BOK: variants seen among roughly 807,000 people sequenced by gnomAD.
BOK encodes BCL2 family apoptosis regulator BOK.
Under a neutral mutation model 18.3 loss-of-function variants are expected in BOK, and 20 were observed. That is an observed-to-expected ratio of 1.09 (90% CI 0.77 to 1.59). BOK has a LOEUF of 1.59. Among genes scored for constraint, BOK ranks in the 40% most tolerant of loss-of-function variants. BOK has a pLI of 0.00. For missense variants in BOK, 348 were observed against 307.9 expected, an observed-to-expected ratio of 1.13 and a Z score of -0.97; for synonymous variants, 173 against 142.4, an observed-to-expected ratio of 1.21 and a Z score of -1.53.
In BOK at chr2:241,564,820, A is replaced by G. The variant is rs1031381843; in HGVS notation, c.349+2344A>G. ...TGTCTGTCTCGGGGCCGCTGGGTTT[A>G]CGAGCTGCAGGCTGGCTTTAAAAGG... On this transcript the variant is annotated intron_variant, in intron 3 of 4. Transcript: ENST00000318407. Among the ~76,000 whole-genome samples, 7 of 152,322 alleles carry G rather than the reference A, an allele frequency of 4.6e-5. No homozygotes were observed. The East Asian group carries it at 1.2e-3, about 25-fold the overall frequency.
At position 241,559,566 on chromosome 2, in the gene BOK, T is replaced by C. The variant is rs2066493619; in HGVS notation, c.83T>C (p.Val28Ala). 2 of 1,528,150 alleles carry C rather than the reference T, an allele frequency of 1.3e-6. No individual in the cohort carries two copies. Among genetic ancestry groups the C allele is most frequent in the Middle Eastern group, 1.7e-4 (1 of 5,886 alleles). 94.7% of individuals were successfully genotyped at this position (1,528,150 alleles called of 1,614,324 possible). A position where few individuals can be genotyped will look rare whatever the true frequency, so the allele number is the denominator to read the frequency against. Reference sequence around the variant, plus strand: ...CGCTCGCCCACAGACAAGGAGCTGGTGGCCCAGGCCAAGGCGCTGGGCCGG... The same window carrying C: ...CGCTCGCCCACAGACAAGGAGCTGGCGGCCCAGGCCAAGGCGCTGGGCCGG... ...FDRSPTDKEL[V>A]AQAKALGREY... is the part of the protein sequence containing the mutation. Residue 28 changes from valine to alanine, a missense_variant, in exon 2 of 5, where the codon GTG becomes GCG. Coordinates refer to ENST00000318407, the MANE Select transcript of BOK (RefSeq NM_032515.5).
Position 241,570,222 on chromosome 2 carries a change from C to T in BOK, c.447C>T (p.Leu149=), listed in dbSNP as rs140733714. 8.9e-5 allele frequency: 143 copies of T among 1,602,036 alleles called. No homozygotes were observed. Among genetic ancestry groups the T allele is most frequent in the Non-Finnish European group, 1.2e-4 (136 of 1,175,966 alleles). ...CCCAGCCTGCCATGGTCCACGCCCTCGTGGACTGCCTGGGGGAGTTCGTGC... is the reference window on the plus strand; with the variant it reads ...CCCAGCCTGCCATGGTCCACGCCCTTGTGGACTGCCTGGGGGAGTTCGTGC... ...RQAQPAMVHA[L]VDCLGEFVRK... Residue 149 remains leucine, a synonymous_variant, in exon 4 of 5, where the codon CTC becomes CTT. Coordinates refer to ENST00000318407, the MANE Select transcript of BOK (RefSeq NM_032515.5).
chr2:241,564,185 C>A (rs1270203002), intron 3 of BOK, among the ~76,000 whole-genome samples: 1 of 152,214 alleles, frequency 6.6e-6, no homozygotes, highest in Non-Finnish European at 1.5e-5. Context: ...GGATGGGAGT[C>A]CAGGCGGGGT....
chr2:241,552,586 C>T (rs1024352306), intron 1 of BOK, among the ~76,000 whole-genome samples: 3 of 152,228 alleles, frequency 2.0e-5, no homozygotes, highest in African/African-American at 7.2e-5. Flanking sequence ...CGCTGCTGAA[C>T]CCTCCGTTCC....
At position 241,570,387 on chromosome 2, in the gene BOK, G is replaced by A. The variant is rs367988828; in HGVS notation, c.513+99G>A. Reference sequence around the variant, plus strand: ...ATGGGTGAGCCTCTGAGCGCCTGGGGGGTGGGAGAGCTGGGGTGCGAGGGT... The same window carrying A: ...ATGGGTGAGCCTCTGAGCGCCTGGGAGGTGGGAGAGCTGGGGTGCGAGGGT... On this transcript the variant is annotated intron_variant, in intron 4 of 4. Coordinates refer to ENST00000318407, the MANE Select transcript of BOK (RefSeq NM_032515.5). The A allele has an allele frequency of 8.0e-5, 78 of 976,886 alleles. 3 individuals are homozygous for A. Among genetic ancestry groups the A allele is most frequent in the East Asian group, 5.9e-4 (18 of 30,576 alleles). 60.5% of individuals were successfully genotyped at this position (976,886 alleles called of 1,614,324 possible).
chr2:241,566,605 A>G (rs908598832), intron 3 of BOK, among the ~76,000 whole-genome samples: 1 of 151,994 alleles, frequency 6.6e-6, no homozygotes, highest in African/African-American at 2.4e-5. Flanking sequence ...AAATCAGACC[A>G]TGTCACTTCC....
rs199967975 is a variant in BOK, at chr2:241,570,280, G to A, written c.505G>A (p.Gly169Ser). The part of the protein sequence containing the change: ...KTLATWLRRR[G>S]GWTDVLKCVV... ...CCTGGCAACCTGGCTGCGGAGACGC[G>A]GCGGATGGGTGAGCGCCTGAGTGCC... The change falls in exon 4 of 5, where the codon GGC (glycine) becomes AGC (serine). Residue 169 changes from glycine (G) to serine (S), a missense_variant. By Grantham distance (56) the Gly-to-Ser change is moderately conservative. Transcript: ENST00000318407. The A allele has an allele frequency of 3.5e-5, 54 of 1,558,690 alleles. No individual in the cohort carries two copies. The Middle Eastern group carries it at 8.9e-4, about 26-fold the overall frequency.
In BOK at chr2:241,562,946, C is replaced by T. The variant is rs1453657623; in HGVS notation, c.349+470C>T. On this transcript the variant is annotated intron_variant, in intron 3 of 4. Transcript: ENST00000318407. The surrounding 1 kb of genome is among the most constrained non-coding windows in gnomAD (Gnocchi z 4.5). ...TGTTAGGATATACCCTCAGAAGTCACGGGTAACTCTGCTGGATTCTGATGG... is the reference window on the plus strand; with the variant it reads ...TGTTAGGATATACCCTCAGAAGTCATGGGTAACTCTGCTGGATTCTGATGG... Among the ~76,000 whole-genome samples, 5 of 152,192 alleles carry T rather than the reference C, an allele frequency of 3.3e-5. No individual in the cohort carries two copies. The highest frequency in any genetic ancestry group is 3.8e-4 in the East Asian group (2 of 5,202).
chr2:241,571,730 G>A (rs537489435), intron 4 of BOK, among the ~76,000 whole-genome samples: 61 of 152,372 alleles, frequency 4.0e-4, no homozygotes, highest in East Asian at 7.7e-4. Flanking sequence ...TGTATTAGCA[G>A]GAAGTGAAGG....
Position 241,572,282 on chromosome 2 carries a change from CCT to C in BOK, c.514-12_514-11del, listed in dbSNP as rs1431659629. 10 of 1,608,990 alleles carry C rather than the reference CCT, an allele frequency of 6.2e-6. No homozygotes were observed. The highest frequency in any genetic ancestry group is 8.5e-6 in the Non-Finnish European group (10 of 1,178,548). On this transcript the variant is annotated splice_polypyrimidine_tract_variant and intron_variant, in intron 4 of 4. Coordinates refer to ENST00000318407, the MANE Select transcript of BOK (RefSeq NM_032515.5). ...GCTGGCTCTGCTTTCTAACGGTCTC[CCT>C]CTTCCCTCCCAGACTGATGTCCTCA...
At chr2:241,567,144 CTTTT>C (rs557390533) in intron 3 of BOK, among the ~76,000 whole-genome samples, 1 of 118,030 alleles carries the variant, frequency 8.5e-6, no homozygotes, top group Non-Finnish European at 1.8e-5. Context: ...ATAGTATGTT[CTTTT>C]TTTTTTTTTT....
chr2:241,570,258 G>A lies in BOK; in HGVS notation c.483G>A (p.Leu161=), dbSNP rs766902984. Residue 161 remains leucine, a synonymous_variant, in exon 4 of 5, where the codon CTG becomes CTA. Coordinates refer to ENST00000318407, the MANE Select transcript of BOK (RefSeq NM_032515.5). ...DCLGEFVRKT[L]ATWLRRRGGW... ...TGGGGGAGTTCGTGCGCAAGACCCT[G>A]GCAACCTGGCTGCGGAGACGCGGCG... is the stretch of plus-strand genomic sequence containing the variant. The A allele has an allele frequency of 1.9e-6, 3 of 1,579,416 alleles. No individual in the cohort carries two copies. Among genetic ancestry groups the A allele is most frequent in the Admixed American group, 3.7e-5 (2 of 54,208 alleles).
At position 241,572,449 on chromosome 2, in the gene BOK, C is replaced by T. The variant is rs762136556; in HGVS notation, c.*27C>T. ...CTGCCCACCTGGCAGTGGCCGCAGC[C>T]TGGCCCTCTGGGCCCAACGCAGGAG... is the stretch of plus-strand genomic sequence containing the variant. On this transcript the variant is annotated 3_prime_UTR_variant, in exon 5 of 5. Coordinates refer to ENST00000318407, the MANE Select transcript of BOK (RefSeq NM_032515.5). The T allele has an allele frequency of 3.8e-6, 6 of 1,585,878 alleles. No individual in the cohort carries two copies. The African/African-American group carries it at 5.3e-5, about 14-fold the overall frequency.
At chr2:241,551,706 C>A (rs6758757) in intron 1 of BOK, among the ~76,000 whole-genome samples, 43,160 of 151,992 alleles carry the variant, frequency 0.28, 7,787 homozygotes, top group African/African-American at 0.49. Flanking sequence ...AAACCCCCCA[C>A]GGGAGGTGGG....
chr2:241,561,470 G>T (rs1287014172), intron 2 of BOK, among the ~76,000 whole-genome samples: 1 of 137,960 alleles, frequency 7.2e-6, no homozygotes, highest in Admixed American at 7.1e-5. Context: ...GTGGCAGTGC[G>T]GGTGGCCCAG....
intron 4 of BOK, 46 bp from the exon 5 acceptor site, chr2:241,572,251 G>A (rs760108187): frequency 5.0e-6 from 8 of 1,596,006 alleles, no homozygotes; most frequent in Non-Finnish European, 6.8e-6. Flanking sequence ...CTGGGGGCCT[G>A]GCGGTGCTGG....
At position 241,570,194 on chromosome 2, in the gene BOK, A is replaced by G; in HGVS notation, c.419A>G (p.Gln140Arg). ...GGGCTGGCCGTGGACTGTGTGAGGC[A>G]GGCCCAGCCTGCCATGGTCCACGCC... ...AAGLAVDCVR[Q>R]AQPAMVHALV... Residue 140 changes from glutamine (Q) to arginine (R), a missense_variant, in exon 4 of 5, where the codon CAG (glutamine) becomes CGG (arginine). Physicochemically the swap from Gln to Arg is conservative, Grantham distance 43. Transcript: ENST00000318407. 1 of 1,607,718 alleles carries G rather than the reference A, an allele frequency of 6.2e-7. No homozygotes were observed.
intron 3 of BOK, among the ~76,000 whole-genome samples, chr2:241,567,848 GCC>G (rs2066639717): frequency 1.2e-5 from 1 of 80,108 alleles, no homozygotes; most frequent in African/African-American, 5.6e-5. Flanking sequence ...AGCAGCATCT[GCC>G]ACATTCCCAG....
chr2:241,558,353 G>A (rs768975974), upstream of BOK, among the ~76,000 whole-genome samples: 1 of 152,314 alleles, frequency 6.6e-6, no homozygotes, highest in Non-Finnish European at 1.5e-5. Flanking sequence ...ACATCACTAA[G>A]AGTAACTCCT....
Sources: allele counts gnomAD v4.1 joint callset (sites outside exome capture counted in the v4.1 genomes callset), GRCh38; gene constraint gnomAD v4.1.1; non-coding constraint Gnocchi (gnomAD v3.1); transcripts MANE v1.5; gene names NCBI Gene and HGNC (gene_info 2026-07-23, HGNC 2026-07-21).